ASAP1: variants seen among roughly 807,000 people sequenced by gnomAD.
ASAP1 encodes arf-GAP with SH3 domain, ANK repeat and PH domain-containing protein 1.
ASAP1 carries 43 observed loss-of-function variants against 145.2 expected under a neutral mutation model. The observed-to-expected ratio is 0.30, with a 90% CI of 0.23 to 0.38. The LOEUF is 0.38. ASAP1 is among the 10% of genes least tolerant of loss of function. The pLI, the probability that ASAP1 is intolerant of heterozygous loss-of-function variation, is 1.00. For synonymous variants in ASAP1, 546 were observed against 515.5 expected (o/e 1.06, Z -0.80); for missense variants, 1,018 against 1,355.3 (o/e 0.75, Z 3.91).
chr8:130,087,865 G>A (rs1179094442), intron 25 of ASAP1, among the ~76,000 whole-genome samples: 1 of 152,154 alleles, frequency 6.6e-6, no homozygotes, highest in Non-Finnish European at 1.5e-5. Context: ...AGTGGGGAGA[G>A]GAGTACATGA....
chr8:130,151,480 A>G (rs2097646336), intron 13 of ASAP1, among the ~76,000 whole-genome samples: 1 of 151,238 alleles, frequency 6.6e-6, no homozygotes, highest in South Asian at 2.1e-4. Flanking sequence ...AAGTCTGTAG[A>G]CAGGATTTCT....
intron 27 of ASAP1, among the ~76,000 whole-genome samples, chr8:130,063,283 T>G (rs1185744158): frequency 2.0e-5 from 3 of 152,162 alleles, no homozygotes; most frequent in African/African-American, 7.2e-5. Flanking sequence ...CTCCAAATGA[T>G]CTTCCTGTCT....
chr8:130,354,116 TCCTGG>T (rs1232644273), intron 3 of ASAP1, among the ~76,000 whole-genome samples: 3 of 152,094 alleles, frequency 2.0e-5, no homozygotes, highest in African/African-American at 7.2e-5. Context: ...GGTCTCGATC[TCCTGG>T]CCTCGTGTTC....
chr8:130,315,087 A>G (rs970086694), intron 3 of ASAP1, among the ~76,000 whole-genome samples: 1 of 152,212 alleles, frequency 6.6e-6, no homozygotes, highest in Non-Finnish European at 1.5e-5. Flanking sequence ...TAAACCACAA[A>G]ACACTACAGC....
intron 2 of ASAP1, among the ~76,000 whole-genome samples, chr8:130,376,332 A>T (rs1827489628): frequency 1.3e-5 from 2 of 152,212 alleles, no homozygotes; most frequent in African/African-American, 2.4e-5. Flanking sequence ...TATCTCAGGA[A>T]TTCAGGCAAA....
At chr8:130,364,322 T>C (rs1218190354) in intron 2 of ASAP1, among the ~76,000 whole-genome samples, 6 of 152,244 alleles carry the variant, frequency 3.9e-5, no homozygotes, top group Non-Finnish European at 8.8e-5. Context: ...GAAAGAATAA[T>C]TGTGCTTAGT....
chr8:130,076,844 A>G (rs961863329), intron 26 of ASAP1, among the ~76,000 whole-genome samples: 1 of 152,230 alleles, frequency 6.6e-6, no homozygotes, highest in African/African-American at 2.4e-5. Flanking sequence ...ACAAAAGATT[A>G]GTCTATTTTC....
chr8:130,212,409 TG>T (rs1816641212), intron 5 of ASAP1, among the ~76,000 whole-genome samples: 1 of 152,180 alleles, frequency 6.6e-6, no homozygotes, highest in African/African-American at 2.4e-5. Flanking sequence ...GGGAGTAGCT[TG>T]ATCAGTACTT....
At chr8:130,221,153 G>A (rs556014149) in intron 4 of ASAP1, among the ~76,000 whole-genome samples, 1 of 152,248 alleles carries the variant, frequency 6.6e-6, no homozygotes, top group East Asian at 1.9e-4. Context: ...AGGCTTGCTG[G>A]AGCCTGGGAA....
At chr8:130,088,497 T>C (rs377023191) in intron 25 of ASAP1, among the ~76,000 whole-genome samples, 1 of 151,922 alleles carries the variant, frequency 6.6e-6, no homozygotes, top group African/African-American at 2.4e-5. Context: ...GCGGCGGCAG[T>C]GGGGAGATGA....
Position 130,112,139 on chromosome 8 carries a change from G to C in ASAP1, c.2356C>G (p.Pro786Ala). 6.2e-7 allele frequency: 1 copy of C among 1,614,130 alleles called. No homozygotes were observed. Among genetic ancestry groups the C allele is most frequent in the Non-Finnish European group, 8.5e-7 (1 of 1,180,018 alleles). ...GGCAGAGGGGGAGCCTCCGTGGTTG[G>C]TGATGTGGGCGAGTCTGTGCTTGTG... ...VSTSTDSPTS[P>A]TTEAPPLPPR... Residue 786 changes from proline to alanine, a missense_variant, in exon 24 of 30, where the codon CCA becomes GCA. Transcript: ENST00000518721.
intron 2 of ASAP1, among the ~76,000 whole-genome samples, chr8:130,383,905 TCC>T (rs1337966533): frequency 6.6e-6 from 1 of 152,144 alleles, no homozygotes; most frequent in Non-Finnish European, 1.5e-5. Flanking sequence ...CATGTCTCCC[TCC>T]CCAGCAGTCT....
intron 10 of ASAP1, among the ~76,000 whole-genome samples, chr8:130,167,990 G>A (rs1373679856): frequency 6.6e-6 from 1 of 152,142 alleles, no homozygotes; most frequent in African/African-American, 2.4e-5. Flanking sequence ...AGAATGACCA[G>A]GAGTCTAATG....
Position 130,396,209 on chromosome 8 carries a change from G to A in ASAP1, c.59+5676C>T, listed in dbSNP as rs539659528. On this transcript the variant is annotated intron_variant, in intron 2 of 29. Transcript: ENST00000518721. ...TTTTTATCTCTACTAAGAGACTTGA[G>A]CAAATTAGATGCTCAGGAAACATTT... Among the ~76,000 whole-genome samples, 4 of 152,302 alleles carry A rather than the reference G, an allele frequency of 2.6e-5. No individual in the cohort carries two copies. The South Asian group carries it at 8.3e-4, about 32-fold the overall frequency.
At chr8:130,308,644 T>C (rs1195461008) in intron 3 of ASAP1, among the ~76,000 whole-genome samples, 1 of 152,222 alleles carries the variant, frequency 6.6e-6, no homozygotes, top group African/African-American at 2.4e-5. Context: ...TAAAGTTTTT[T>C]CAACAATAGA....
chr8:130,138,750 C>T (rs1333188144), intron 13 of ASAP1, among the ~76,000 whole-genome samples: 1 of 150,702 alleles, frequency 6.6e-6, no homozygotes, highest in Non-Finnish European at 1.5e-5. Flanking sequence ...GCAGGAGAAT[C>T]GCTTGAACTT....
chr8:130,057,866 T>C, intron 29 of ASAP1, 88 bp downstream of exon 29: 1 of 1,548,156 alleles, frequency 6.5e-7, no homozygotes, highest in South Asian at 1.2e-5. Context: ...AGCCCTCTTT[T>C]ACTGCACTGT....
chr8:130,256,757 ATATATATATATATATATATATATATCCT>A (rs1565142700), intron 3 of ASAP1, among the ~76,000 whole-genome samples: 2 of 93,666 alleles, frequency 2.1e-5, no homozygotes, highest in East Asian at 2.9e-4. Flanking sequence ...ATATATATAT[ATATATATATATATATATATATATATCCT>A]TATATATATA....
intron 5 of ASAP1, among the ~76,000 whole-genome samples, chr8:130,197,935 A>T (rs938352027): frequency 6.6e-6 from 1 of 152,174 alleles, no homozygotes; most frequent in African/African-American, 2.4e-5. Flanking sequence ...CTAGTGGGTG[A>T]AGTTTTCTTG....
Sources: gnomAD v4.1 joint callset for allele counts (sites outside exome capture counted in the v4.1 genomes callset) on GRCh38, gnomAD v4.1.1 for gene constraint, MANE v1.5 for transcripts, NCBI Gene and HGNC (gene_info 2026-07-23, HGNC 2026-07-21) for gene names.